The following DLG2 variants were observed in gnomAD, a reference collection of about 807,000 sequenced individuals.
DLG2 encodes discs large MAGUK scaffold protein 2, also known as disks large homolog 2.
Under a neutral mutation model 132.5 loss-of-function variants are expected in DLG2, and 45 were observed. The ratio of observed to expected loss-of-function variants is 0.34; its 90% CI spans 0.27 to 0.44. DLG2 has a LOEUF of 0.44. Ranked by LOEUF, DLG2 falls within the 20% of genes least tolerant of loss-of-function variation. The probability of loss-of-function intolerance (pLI) is 1.00; values close to 1 mark genes in which losing one functional copy is unlikely to be tolerated. For missense variants in DLG2, 1,045 were observed against 1,196.9 expected, an observed-to-expected ratio of 0.87 and a Z score of 1.87; for synonymous variants, 424 against 419.6, an observed-to-expected ratio of 1.01 and a Z score of -0.13.
chr11:85,163,303 TTTCA>T (rs1439054552), intron 4 of DLG2, among the ~76,000 whole-genome samples: 1 of 152,170 alleles, frequency 6.6e-6, no homozygotes, highest in Non-Finnish European at 1.5e-5. Context: ...CTTTTATTTT[TTTCA>T]TTCATTAAGC....
chr11:83,788,439 C>T (rs1027055105), intron 17 of DLG2, among the ~76,000 whole-genome samples: 1 of 152,232 alleles, frequency 6.6e-6, no homozygotes, highest in African/African-American at 2.4e-5. Context: ...GACTGTCATA[C>T]TACCTGAGAC....
intron 4 of DLG2, among the ~76,000 whole-genome samples, chr11:85,217,566 A>G (rs1180755371): frequency 3.3e-5 from 5 of 152,212 alleles, no homozygotes; most frequent in African/African-American, 1.2e-4. Flanking sequence ...GTTGATTTCT[A>G]GGAGATTCTA....
chr11:84,444,216 T>C (rs991914085), intron 7 of DLG2, among the ~76,000 whole-genome samples: 2 of 152,016 alleles, frequency 1.3e-5, no homozygotes, highest in African/African-American at 2.4e-5. Flanking sequence ...CTGGGGCCTA[T>C]CGGGTGTGGG....
chr11:83,850,516 ATAAT>A lies in DLG2; in HGVS notation c.1566-16750_1566-16747del, dbSNP rs377647400. ...ATATAGAGAGATGGGGAGTGGGATA[ATAAT>A]TAATGAATAAGGAAAAGCATAAATT... On this transcript the variant is annotated intron_variant, in intron 16 of 27. Transcript: ENST00000376104. Among the ~76,000 whole-genome samples the A allele has an allele frequency of 3.7e-3, 556 of 152,240 alleles. 4 individuals are homozygous for A. Among genetic ancestry groups the A allele is most frequent in the African/African-American group, 0.013 (537 of 41,542 alleles).
intron 18 of DLG2, among the ~76,000 whole-genome samples, chr11:83,753,884 CATATATATCATATATATATTTCATATAT>C (rs2093524498): frequency 1.1e-4 from 2 of 18,758 alleles, no homozygotes; most frequent in African/African-American, 1.5e-3. Flanking sequence ...TGATATATAT[CATATATATCATATATATATTTCATATAT>C]ATTTCATATA....
intron 3 of DLG2, among the ~76,000 whole-genome samples, chr11:85,563,661 T>C (rs2077376612): frequency 6.8e-6 from 1 of 147,470 alleles, no homozygotes; most frequent in Admixed American, 6.8e-5. Flanking sequence ...TTTCATTCCT[T>C]TTTATTGCTG....
chr11:84,264,905 A>G lies in DLG2; in HGVS notation c.520-13614T>C, dbSNP rs550166162. Among the ~76,000 whole-genome samples, 5 of 152,324 alleles carry G rather than the reference A, an allele frequency of 3.3e-5. No individual in the cohort carries two copies. The South Asian group carries it at 1.0e-3, about 32-fold the overall frequency. ...GACTGGCTGTGGCCCTGTAGAACTTAGTCAAGTCACTTAACTCTCTGAATT... is the reference window on the plus strand; with the variant it reads ...GACTGGCTGTGGCCCTGTAGAACTTGGTCAAGTCACTTAACTCTCTGAATT... On this transcript the variant is annotated intron_variant, in intron 7 of 27. Transcript: ENST00000376104.
chr11:83,978,585 A>C (rs2092492718), intron 12 of DLG2, among the ~76,000 whole-genome samples: 1 of 152,088 alleles, frequency 6.6e-6, no homozygotes, highest in African/African-American at 2.4e-5. Flanking sequence ...CAAACAAACA[A>C]ACAAAAATTC....
chr11:84,304,641 A>AG (rs2098195434), intron 7 of DLG2, among the ~76,000 whole-genome samples: 3 of 152,244 alleles, frequency 2.0e-5, no homozygotes, highest in African/African-American at 7.2e-5. Flanking sequence ...ATATGTAAAC[A>AG]AATAAGCATG....
At chr11:84,400,040 C>G (rs2098824288) in intron 7 of DLG2, among the ~76,000 whole-genome samples, 1 of 152,182 alleles carries the variant, frequency 6.6e-6, no homozygotes, top group Admixed American at 6.5e-5. Context: ...TTTGAAAATT[C>G]TGCTGTGTTT....
At chr11:84,064,570 C>T (rs1573570) in intron 10 of DLG2, among the ~76,000 whole-genome samples, 122,740 of 151,668 alleles carry the variant, frequency 0.81, 50,487 homozygotes, top group Middle Eastern at 0.92. Flanking sequence ...CTGATTGTTA[C>T]TGTTATTGAG....
intron 3 of DLG2, among the ~76,000 whole-genome samples, chr11:85,337,650 T>G (rs2082220878): frequency 6.6e-6 from 1 of 152,236 alleles, no homozygotes; most frequent in Admixed American, 6.5e-5. Flanking sequence ...AGTTCCAGAA[T>G]GCCTAAGTTC....
At chr11:83,479,488 C>A (rs1175742056) in intron 22 of DLG2, among the ~76,000 whole-genome samples, 2 of 152,092 alleles carry the variant, frequency 1.3e-5, no homozygotes, top group African/African-American at 2.4e-5. Flanking sequence ...ATTAGGCGTG[C>A]TTTTTGGGTA....
chr11:84,863,903 A>G (rs1219226831), intron 6 of DLG2, among the ~76,000 whole-genome samples: 1 of 152,212 alleles, frequency 6.6e-6, no homozygotes, highest in East Asian at 1.9e-4. Flanking sequence ...TAAAATGGAT[A>G]CAGCTCCATG....
At chr11:85,482,882 T>TCTGA (rs1471245472) in intron 3 of DLG2, among the ~76,000 whole-genome samples, 1 of 152,122 alleles carries the variant, frequency 6.6e-6, no homozygotes, top group East Asian at 1.9e-4. Flanking sequence ...GACCACCCCT[T>TCTGA]CTGACCCAGG....
At chr11:84,912,256 C>A (rs540045995) in intron 6 of DLG2, among the ~76,000 whole-genome samples, 1 of 152,150 alleles carries the variant, frequency 6.6e-6, no homozygotes, top group Non-Finnish European at 1.5e-5. Flanking sequence ...CCTGGGTTCA[C>A]GCCATTCTCC....
chr11:83,961,601 T>C (rs2088810876), intron 14 of DLG2, among the ~76,000 whole-genome samples: 1 of 152,062 alleles, frequency 6.6e-6, no homozygotes, highest in African/African-American at 2.4e-5. Context: ...TAAAAACAGC[T>C]AGCAGAGGGT....
At chr11:83,689,547 A>T (rs573578584) in intron 18 of DLG2, among the ~76,000 whole-genome samples, 8 of 152,212 alleles carry the variant, frequency 5.3e-5, no homozygotes, top group African/African-American at 1.9e-4. Context: ...TCTGAATTAA[A>T]CCTTGGTTCC....
chr11:85,226,413 T>C (rs538689003), intron 4 of DLG2, among the ~76,000 whole-genome samples: 13 of 152,128 alleles, frequency 8.5e-5, no homozygotes, highest in Admixed American at 6.6e-4. Context: ...AAGTTTCACA[T>C]TTGAATATGT....
Sources: gnomAD v4.1 joint callset for allele counts (sites outside exome capture counted in the v4.1 genomes callset) on GRCh38, gnomAD v4.1.1 for gene constraint, MANE v1.5 for transcripts, NCBI Gene and HGNC (gene_info 2026-07-23, HGNC 2026-07-21) for gene names.